The following PARD6G variants were observed in gnomAD, a reference collection of about 807,000 sequenced individuals.
PARD6G encodes the protein par-6 family cell polarity regulator gamma.
PARD6G carries 7 observed loss-of-function variants against 10.7 expected under a neutral mutation model. The ratio of observed to expected loss-of-function variants is 0.66; its 90% CI spans 0.37 to 1.23. The LOEUF (loss-of-function observed/expected upper bound fraction) is 1.23, where lower values mean the gene tolerates loss of function less well. Ranked by LOEUF, PARD6G falls within the 50% of genes most tolerant of loss-of-function variation. The pLI is 0.02. For missense variants in PARD6G, 548 were observed against 571.8 expected, an observed-to-expected ratio of 0.96 and a Z score of 0.42; for synonymous variants, 287 against 269.4, an observed-to-expected ratio of 1.07 and a Z score of -0.64.
chr18:80,178,523 C>T (rs1469969551), intron 2 of PARD6G: 1 of 152,380 alleles, frequency 6.6e-6, no homozygotes, highest in East Asian at 1.9e-4. Context: ...CAGCCATCTT[C>T]CCTCAAGCGC....
intron 1 of PARD6G, among the ~76,000 whole-genome samples, chr18:80,245,494 C>G (rs1297391891): frequency 6.6e-6 from 1 of 152,096 alleles, no homozygotes; most frequent in Admixed American, 6.5e-5. Flanking sequence ...GAGTGTGTCA[C>G]GCTGCTGAGA....
In PARD6G at chr18:80,202,941, CAAGAGACGGGGTGGGGGGAGGGG is replaced by C; in HGVS notation, c.73-32_73-10del. On this transcript the variant is annotated splice_polypyrimidine_tract_variant and intron_variant, in intron 1 of 2. Coordinates refer to ENST00000353265, the MANE Select transcript of PARD6G (RefSeq NM_032510.4). ...CGGAATTCCGCCCCAAACTACAATG[CAAGAGACGGGGTGGGGGGAGGGG>C]CATTAATAAATACCAGAGAAATATC... The C allele has an allele frequency of 6.9e-7, 1 of 1,443,690 alleles. No individual in the cohort carries two copies. Among genetic ancestry groups the C allele is most frequent in the Non-Finnish European group, 9.4e-7 (1 of 1,066,778 alleles). The allele number at this position is 1,443,690 out of a possible 1,614,324, so 89.4% of individuals were successfully genotyped here.
At position 80,189,932 on chromosome 18, in the gene PARD6G, C is replaced by A. The variant is rs1966883290; in HGVS notation, c.295+12778G>T. On this transcript the variant is annotated intron_variant, in intron 2 of 2. Transcript: ENST00000353265. The surrounding 1 kb of genome is among the most constrained non-coding windows in gnomAD (Gnocchi z 5.5). ...GCTCATTCTCTTAAAGTGTACAATT[C>A]AGTGTTTTTTAGTATATTCAGTGTT... Among the ~76,000 whole-genome samples, 1 of 152,170 alleles carries A rather than the reference C, an allele frequency of 6.6e-6. No individual in the cohort carries two copies. The highest frequency in any genetic ancestry group is 1.5e-5 in the Non-Finnish European group (1 of 68,036).
intron 1 of PARD6G, among the ~76,000 whole-genome samples, chr18:80,213,513 T>G (rs1967129013): frequency 6.6e-6 from 1 of 152,194 alleles, no homozygotes; most frequent in South Asian, 2.1e-4. Flanking sequence ...CTCTATCTAA[T>G]CATTAGCTGA....
intron 2 of PARD6G, among the ~76,000 whole-genome samples, chr18:80,167,987 C>T (rs528442612): frequency 3.9e-5 from 6 of 152,262 alleles, no homozygotes; most frequent in Non-Finnish European, 8.8e-5. Context: ...CCAGTGGCTC[C>T]GTGGAGGAAA....
intron 1 of PARD6G, among the ~76,000 whole-genome samples, chr18:80,243,615 CGACA>C (rs1002787244): frequency 5.9e-5 from 9 of 152,202 alleles, no homozygotes; most frequent in Non-Finnish European, 1.2e-4. Flanking sequence ...ATAATTAACA[CGACA>C]GACAATCTGT....
At chr18:80,226,102 G>A (rs1010804039) in intron 1 of PARD6G, among the ~76,000 whole-genome samples, 6 of 145,728 alleles carry the variant, frequency 4.1e-5, no homozygotes, top group African/African-American at 1.5e-4. Context: ...GGTATTTAGT[G>A]AAATCTCCAG....
intron 2 of PARD6G, among the ~76,000 whole-genome samples, chr18:80,199,942 G>A (rs1485245411): frequency 6.6e-6 from 1 of 152,218 alleles, no homozygotes; most frequent in Non-Finnish European, 1.5e-5. Flanking sequence ...ACCATGCCTG[G>A]CTGAGCAACA....
At chr18:80,190,999 C>A (rs1304084257) in intron 2 of PARD6G, among the ~76,000 whole-genome samples, 1 of 152,200 alleles carries the variant, frequency 6.6e-6, no homozygotes, top group East Asian at 1.9e-4. Flanking sequence ...CTGGAGGCTC[C>A]ATTAGACTCC....
chr18:80,193,950 A>G (rs1253031843), intron 2 of PARD6G, among the ~76,000 whole-genome samples: 1 of 152,192 alleles, frequency 6.6e-6, no homozygotes, highest in African/African-American at 2.4e-5. Flanking sequence ...GCACATGGTG[A>G]CCTCCAGGCT....
intron 1 of PARD6G, among the ~76,000 whole-genome samples, chr18:80,230,358 C>T (rs74620858): frequency 0.026 from 3,909 of 152,316 alleles, 158 homozygotes; most frequent in African/African-American, 0.089. Flanking sequence ...TAAAGAAATA[C>T]AGGCGGTCAT....
intron 2 of PARD6G, among the ~76,000 whole-genome samples, chr18:80,164,664 A>G (rs1359221525): frequency 1.3e-5 from 2 of 152,252 alleles, no homozygotes; most frequent in Non-Finnish European, 2.9e-5. Flanking sequence ...CAATATTTCA[A>G]CGTAGGTTCT....
intron 2 of PARD6G, among the ~76,000 whole-genome samples, chr18:80,198,473 TTGGAATGCAAC>T (rs1966978339): frequency 1.3e-5 from 2 of 152,232 alleles, no homozygotes; most frequent in Non-Finnish European, 2.9e-5. Flanking sequence ...ATTTAGGATA[TTGGAATGCAAC>T]TACCACAGGA....
chr18:80,199,728 T>C (rs1021257928), intron 2 of PARD6G, among the ~76,000 whole-genome samples: 3 of 152,200 alleles, frequency 2.0e-5, no homozygotes, highest in African/African-American at 7.2e-5. Context: ...CTGCAACCTC[T>C]GCCTCCTGGG....
intron 1 of PARD6G, among the ~76,000 whole-genome samples, chr18:80,210,207 C>T (rs928912122): frequency 6.6e-6 from 1 of 152,198 alleles, no homozygotes; most frequent in African/African-American, 2.4e-5. Context: ...TTAAGTTAAT[C>T]TCCAAGCACT....
intron 1 of PARD6G, among the ~76,000 whole-genome samples, chr18:80,203,502 T>C (rs1182590915): frequency 3.9e-5 from 6 of 152,026 alleles, no homozygotes; most frequent in African/African-American, 1.5e-4. Context: ...TCAACACAGA[T>C]GAATATCCTG....
At chr18:80,193,812 A>G (rs1318264154) in intron 2 of PARD6G, among the ~76,000 whole-genome samples, 1 of 152,216 alleles carries the variant, frequency 6.6e-6, no homozygotes, top group Non-Finnish European at 1.5e-5. Context: ...CATCCCTGCC[A>G]CACACCATCA....
rs756796661 is a variant in PARD6G at position 80,159,947 on chromosome 18, G to A, written c.955C>T (p.Pro319Ser). The change falls in exon 3 of 3, where the codon CCC becomes TCC. Residue 319 changes from proline to serine, a missense_variant. This residue lies in a region of PARD6G where 313 missense variants were observed against 279.9 expected (regional missense o/e 1.12). Coordinates refer to ENST00000353265, the MANE Select transcript of PARD6G (RefSeq NM_032510.4). The part of the protein sequence containing the change: ...PARPPQTPGA[P>S]AGSLSRVNGA... ...TTGACCCGGGAGAGGCTGCCTGCGGGCGCGCCCGGGGTCTGGGGGGGACGT... is the reference window on the plus strand; with the variant it reads ...TTGACCCGGGAGAGGCTGCCTGCGGACGCGCCCGGGGTCTGGGGGGGACGT... The A allele has an allele frequency of 9.3e-6, 14 of 1,498,436 alleles. No individual in the cohort carries two copies. Among genetic ancestry groups the A allele is most frequent in the Admixed American group, 2.4e-5 (1 of 41,526 alleles). 92.8% of individuals were successfully genotyped at this position (1,498,436 alleles called of 1,614,324 possible).
chr18:80,209,517 G>A (rs1010051608), intron 1 of PARD6G, among the ~76,000 whole-genome samples: 7 of 152,134 alleles, frequency 4.6e-5, no homozygotes, highest in Admixed American at 3.9e-4. Flanking sequence ...AAGCAAAAGC[G>A]TATCAGCATC....
Sources: gnomAD v4.1 joint callset for allele counts (sites outside exome capture counted in the v4.1 genomes callset) on GRCh38, gnomAD v4.1.1 for gene constraint, gnomAD v4.1.1 regional missense constraint, Gnocchi (gnomAD v3.1) non-coding constraint, MANE v1.5 for transcripts, NCBI Gene and HGNC (gene_info 2026-07-23, HGNC 2026-07-21) for gene names.